The following DDX4 variants were observed in gnomAD, a reference collection of about 807,000 sequenced individuals.
DDX4 encodes the protein probable ATP-dependent RNA helicase DDX4.
In DDX4, 25 loss-of-function variants were observed where a neutral mutation model predicts 100.0. The ratio of observed to expected loss-of-function variants is 0.25; its 90% CI spans 0.18 to 0.35. DDX4 has a LOEUF of 0.35. Among genes scored for constraint, DDX4 ranks in the 10% least tolerant of loss-of-function variants. The pLI, the probability that DDX4 is intolerant of heterozygous loss-of-function variation, is 1.00. For missense variants in DDX4, 635 were observed against 882.4 expected (o/e 0.72, Z 3.55); for synonymous variants, 259 against 275.7 (o/e 0.94, Z 0.60).
chr5:55,815,426 T>A lies in DDX4; in HGVS notation c.2097+3T>A, dbSNP rs779677769. The stretch of plus-strand genomic sequence containing the variant: ...TTGCATCAGTTGATACCAGAAAGGT[T>A]AGTAGAAAGGAAAACTTGAGAACTT... On this transcript the variant is annotated splice_donor_region_variant and intron_variant, in intron 21 of 21. Transcript: ENST00000505374. The A allele has an allele frequency of 6.2e-7, 1 of 1,603,168 alleles. No homozygotes were observed. Among genetic ancestry groups the A allele is most frequent in the South Asian group, 1.1e-5 (1 of 87,820 alleles).
At chr5:55,738,496 C>G (rs542201474) in intron 1 of DDX4, among the ~76,000 whole-genome samples, 76 of 143,096 alleles carry the variant, frequency 5.3e-4, no homozygotes, top group Non-Finnish European at 9.3e-4. Context: ...GACTCCCGTA[C>G]CCCTGTCCCC....
chr5:55,761,961 A>G (rs371649834), intron 4 of DDX4, among the ~76,000 whole-genome samples: 70 of 152,198 alleles, frequency 4.6e-4, no homozygotes, highest in African/African-American at 1.6e-3. Flanking sequence ...ATAACTAATA[A>G]TGTGGTTTTT....
At chr5:55,771,832 A>G (rs1741270460) in intron 7 of DDX4, among the ~76,000 whole-genome samples, 1 of 152,148 alleles carries the variant, frequency 6.6e-6, no homozygotes, top group Non-Finnish European at 1.5e-5. Context: ...GGACATCTGG[A>G]CATCTTTTGT....
At chr5:55,781,215 C>A (rs1346796949) in intron 9 of DDX4, 69 bp downstream of exon 9, 1 of 1,256,114 alleles carries the variant, frequency 8.0e-7, no homozygotes, top group Non-Finnish European at 1.1e-6. Context: ...ATTAGTAAAC[C>A]TAATATATAT....
intron 1 of DDX4, chr5:55,738,448 C>T (rs572416641): frequency 6.4e-6 from 1 of 156,218 alleles, no homozygotes; most frequent in African/African-American, 2.4e-5. Flanking sequence ...AAATCCAAGG[C>T]CTCCCTCTTC....
rs565167705 is a variant in DDX4, at chr5:55,746,083, T to C, written c.70-81T>C. 76 of 1,105,302 alleles carry C rather than the reference T, an allele frequency of 6.9e-5. 1 individual carries two copies. In the South Asian group the frequency reaches 9.3e-4, roughly 14 times the overall value. The allele number at this position is 1,105,302 out of a possible 1,614,324, so 68.5% of individuals were successfully genotyped here. On this transcript the variant is annotated intron_variant, in intron 2 of 21. Coordinates refer to ENST00000505374, the MANE Select transcript of DDX4 (RefSeq NM_024415.3). The stretch of plus-strand genomic sequence containing the variant: ...TGTTCTGAACAAAGCTCAATTGTTA[T>C]AATTTTCTAGTATTTGTGAAATAAA...
At chr5:55,744,459 G>A (rs116401420) in intron 2 of DDX4, among the ~76,000 whole-genome samples, 287 of 152,292 alleles carry the variant, frequency 1.9e-3, no homozygotes, top group African/African-American at 6.4e-3. Context: ...GTGGATTAAT[G>A]ATGATAAGGA....
At chr5:55,773,212 T>G (rs1253628993) in intron 7 of DDX4, 1 of 152,280 alleles carries the variant, frequency 6.6e-6, no homozygotes, top group Non-Finnish European at 1.5e-5. Flanking sequence ...GGCAGCTCTC[T>G]GGGGCTTCTT....
Position 55,746,159 on chromosome 5 carries a change from C to A in DDX4, c.70-5C>A. ...AACTAGTTTTTTCTTTCTTCTTTCT[C>A]ACAGGATAGGTATTCTGGAGAAAAT... On this transcript the variant is annotated splice_polypyrimidine_tract_variant and splice_region_variant and intron_variant, in intron 2 of 21. Coordinates refer to ENST00000505374, the MANE Select transcript of DDX4 (RefSeq NM_024415.3). The A allele has an allele frequency of 6.2e-7, 1 of 1,604,234 alleles. No individual in the cohort carries two copies. Among genetic ancestry groups the A allele is most frequent in the South Asian group, 1.1e-5 (1 of 88,450 alleles).
chr5:55,813,540 G>C, intron 18 of DDX4, 133 bp from the exon 19 acceptor site: 1 of 1,258,660 alleles, frequency 7.9e-7, no homozygotes, highest in Non-Finnish European at 1.0e-6. Context: ...TTATGTACCA[G>C]GCTTGGCTGT....
intron 6 of DDX4, among the ~76,000 whole-genome samples, chr5:55,764,475 T>C (rs558684462): frequency 6.6e-6 from 1 of 152,208 alleles, no homozygotes; most frequent in South Asian, 2.1e-4. Flanking sequence ...GACAATTCCA[T>C]TGAAGGTACT....
At chr5:55,793,783 C>G (rs1742740889) in intron 17 of DDX4, among the ~76,000 whole-genome samples, 1 of 152,176 alleles carries the variant, frequency 6.6e-6, no homozygotes, top group African/African-American at 2.4e-5. Context: ...AGAGTTGCCT[C>G]CAAACTCACC....
At chr5:55,813,333 G>T (rs538378279) in intron 18 of DDX4, among the ~76,000 whole-genome samples, 1 of 152,140 alleles carries the variant, frequency 6.6e-6, no homozygotes, top group Non-Finnish European at 1.5e-5. Context: ...TTTATAGAGC[G>T]AGGGAAATGG....
intron 3 of DDX4, among the ~76,000 whole-genome samples, chr5:55,759,099 C>T (rs895804561): frequency 1.2e-4 from 18 of 151,804 alleles, no homozygotes; most frequent in Admixed American, 1.1e-3. Context: ...CTATGTTGCC[C>T]AGGCTGGTCT....
At chr5:55,785,101 G>C (rs1742162576) in intron 10 of DDX4, among the ~76,000 whole-genome samples, 196 bp from the exon 11 acceptor site, 2 of 152,172 alleles carry the variant, frequency 1.3e-5, no homozygotes, top group Non-Finnish European at 2.9e-5. Context: ...ATATGTAATA[G>C]TCTCCTCTAC....
chr5:55,761,889 C>T (rs542899799), intron 4 of DDX4, among the ~76,000 whole-genome samples: 23 of 152,060 alleles, frequency 1.5e-4, no homozygotes, highest in Non-Finnish European at 2.6e-4. Context: ...GGATTATAGA[C>T]GTGAGCCACC....
Position 55,790,598 on chromosome 5 carries a change from A to C in DDX4, c.1195A>C (p.Ile399Leu), listed in dbSNP as rs1269065582. The change falls in exon 16 of 22, where the codon ATA becomes CTA. Residue 399 changes from isoleucine to leucine, a missense_variant. Around this residue, in one of 4 missense-constraint regions of DDX4, gnomAD observed 446 missense variants for 540.8 expected, o/e 0.82. Transcript: ENST00000505374. ...TAGGACTTGTGTAAGAGCTGTTGTT[A>C]TATATGGGGGAACCCAGCTGGGACA... ...SFGTCVRAVVIYGGTQLGHSI... is the reference protein window; with the variant it reads ...SFGTCVRAVVLYGGTQLGHSI... 3.1e-6 allele frequency: 5 copies of C among 1,597,742 alleles called. No homozygotes were observed. In the Admixed American group the frequency reaches 8.3e-5, roughly 27 times the overall value.
In DDX4 at chr5:55,780,037, C is replaced by T. The variant is rs1031295623; in HGVS notation, c.468C>T (p.Cys156=). Residue 156 remains cysteine, a synonymous_variant, in exon 8 of 22, where the codon TGC becomes TGT. Coordinates refer to ENST00000505374, the MANE Select transcript of DDX4 (RefSeq NM_024415.3). ...RRGGRGSFRG[C]RGGFGLGSPN... Reference sequence around the variant, plus strand: ...GTGGAAGAGGTAGTTTCCGAGGTTGCCGTGGAGGATTTGGTCTAGGAAGTC... The same window carrying T: ...GTGGAAGAGGTAGTTTCCGAGGTTGTCGTGGAGGATTTGGTCTAGGAAGTC... 3 of 1,613,724 alleles carry T rather than the reference C, an allele frequency of 1.9e-6. No individual in the cohort carries two copies. Among genetic ancestry groups the T allele is most frequent in the Non-Finnish European group, 2.5e-6 (3 of 1,179,882 alleles).
chr5:55,780,191 C>A, intron 8 of DDX4, 126 bp downstream of exon 8: 2 of 1,341,732 alleles, frequency 1.5e-6, no homozygotes, highest in Non-Finnish European at 2.0e-6. Context: ...GTGACTAATA[C>A]ACATTAATCA....
Sources: gnomAD v4.1 joint callset for allele counts (sites outside exome capture counted in the v4.1 genomes callset) on GRCh38, gnomAD v4.1.1 for gene constraint, gnomAD v4.1.1 regional missense constraint, MANE v1.5 for transcripts, NCBI Gene and HGNC (gene_info 2026-07-23, HGNC 2026-07-21) for gene names.